Variants in PRKN observed in about 807,000 individuals in gnomAD.
PRKN encodes parkin RBR E3 ubiquitin protein ligase.
A neutral mutation model predicts 59.5 loss-of-function variants in PRKN; 56 were observed. The ratio of observed to expected loss-of-function variants is 0.94; its 90% CI spans 0.76 to 1.18. The LOEUF is 1.18. Ranked by LOEUF, PRKN falls within the 50% of genes most tolerant of loss-of-function variation. PRKN has a pLI of 0.00. For synonymous variants in PRKN, 250 were observed against 222.1 expected (o/e 1.13, Z -1.12); for missense variants, 657 against 596.4 (o/e 1.10, Z -1.06).
intron 1 of PRKN, among the ~76,000 whole-genome samples, chr6:162,631,640 T>C (rs1420211073): frequency 2.0e-5 from 3 of 152,170 alleles, no homozygotes; most frequent in East Asian, 1.9e-4. Context: ...ATTCTGTAGG[T>C]TGTCTCTTTA....
intron 2 of PRKN, among the ~76,000 whole-genome samples, chr6:162,274,201 A>G (rs1009186077): frequency 6.6e-6 from 1 of 150,706 alleles, no homozygotes; most frequent in African/African-American, 2.5e-5. Flanking sequence ...TTATTTATTT[A>G]TTTTGTGAGA....
chr6:162,256,262 TTC>T (rs902705240), intron 3 of PRKN, among the ~76,000 whole-genome samples: 3 of 152,180 alleles, frequency 2.0e-5, no homozygotes, highest in Non-Finnish European at 2.9e-5. Context: ...ATTTTATTAA[TTC>T]TGTTTTTCTT....
chr6:162,256,423 TACAG>T lies in PRKN; in HGVS notation c.412+6098_412+6101del, dbSNP rs1329815763. On this transcript the variant is annotated intron_variant, in intron 3 of 11. Transcript: ENST00000366898. ...TTTAGAAAGATTGAAAAGAGTGTAT[TACAG>T]ACAGTTAAATTCTACCACTTAATTT... 2.6e-5 allele frequency among the ~76,000 whole-genome samples: 4 copies of T among 152,178 alleles called. No homozygotes were observed. In the East Asian group the frequency reaches 7.7e-4, roughly 29 times the overall value.
chr6:162,458,037 C>T (rs137855888), intron 1 of PRKN, among the ~76,000 whole-genome samples: 1,690 of 151,722 alleles, frequency 0.011, 16 homozygotes, highest in Middle Eastern at 0.027. Context: ...GGGTGGATCA[C>T]GAGGTCAGGA....
intron 2 of PRKN, among the ~76,000 whole-genome samples, chr6:162,274,622 C>T (rs759496399): frequency 1.3e-5 from 2 of 152,138 alleles, no homozygotes; most frequent in Non-Finnish European, 2.9e-5. Flanking sequence ...ATTTTCTCTT[C>T]AGTTGCTTTT....
intron 4 of PRKN, among the ~76,000 whole-genome samples, chr6:162,115,719 A>T (rs1047938066): frequency 1.3e-5 from 2 of 152,076 alleles, no homozygotes; most frequent in Non-Finnish European, 2.9e-5. Context: ...ATCAGCTGGC[A>T]GGAGCCCATA....
chr6:162,674,764 G>A (rs777265898), intron 1 of PRKN, among the ~76,000 whole-genome samples: 68 of 152,164 alleles, frequency 4.5e-4, no homozygotes, highest in Non-Finnish European at 8.4e-4. Context: ...AGAAAGAATA[G>A]AGGCTAAAAC....
At position 162,575,040 on chromosome 6, in the gene PRKN, C is replaced by G. The variant is rs545081301; in HGVS notation, c.8-131567G>C. 3.4e-3 allele frequency among the ~76,000 whole-genome samples: 513 copies of G among 152,244 alleles called. 2 individuals are homozygous for G. Among genetic ancestry groups the G allele is most frequent in the African/African-American group, 8.6e-3 (359 of 41,550 alleles). On this transcript the variant is annotated intron_variant, in intron 1 of 11. Coordinates refer to ENST00000366898, the MANE Select transcript of PRKN (RefSeq NM_004562.3). Reference sequence around the variant, plus strand: ...TCTATTTGTTATTTCTTTCACCATACATAACATTTCAGTTTTTATGTAATC... The same window carrying G: ...TCTATTTGTTATTTCTTTCACCATAGATAACATTTCAGTTTTTATGTAATC...
intron 7 of PRKN, among the ~76,000 whole-genome samples, chr6:161,590,511 T>C (rs1781680176): frequency 6.6e-6 from 1 of 152,124 alleles, no homozygotes; most frequent in African/African-American, 2.4e-5. Context: ...GGCGGGCCGA[T>C]CAGTTGAGGT....
chr6:161,809,465 G>C (rs1217185949), intron 6 of PRKN, among the ~76,000 whole-genome samples: 2 of 152,206 alleles, frequency 1.3e-5, no homozygotes, highest in South Asian at 4.2e-4. Context: ...ATGCATTTTG[G>C]AATTATTGGT....
At chr6:161,411,920 C>A (rs1583033734) in intron 9 of PRKN, among the ~76,000 whole-genome samples, 1 of 149,190 alleles carries the variant, frequency 6.7e-6, no homozygotes, top group South Asian at 2.2e-4. Flanking sequence ...CATTCCTCCA[C>A]TCACTCACTC....
rs552558098 is a variant in PRKN, at chr6:161,858,243, C to T, written c.735-72335G>A. Among the ~76,000 whole-genome samples, 5 of 152,266 alleles carry T rather than the reference C, an allele frequency of 3.3e-5. No individual in the cohort carries two copies. The East Asian group carries it at 5.8e-4, about 18-fold the overall frequency. On this transcript the variant is annotated intron_variant, in intron 6 of 11. Coordinates refer to ENST00000366898, the MANE Select transcript of PRKN (RefSeq NM_004562.3). Reference sequence around the variant, plus strand: ...TCCATAAGGATAACCTATTCAGATACTATTATCACATGAGACATGATATGT... The same window carrying T: ...TCCATAAGGATAACCTATTCAGATATTATTATCACATGAGACATGATATGT...
intron 9 of PRKN, among the ~76,000 whole-genome samples, chr6:161,494,463 T>C (rs1220885560): frequency 1.3e-5 from 2 of 152,226 alleles, no homozygotes; most frequent in African/African-American, 4.8e-5. Flanking sequence ...CTTGTGTTAC[T>C]TACATTCTGC....
chr6:162,509,425 A>G (rs1777485808), intron 1 of PRKN, among the ~76,000 whole-genome samples: 1 of 152,198 alleles, frequency 6.6e-6, no homozygotes, highest in South Asian at 2.1e-4. Flanking sequence ...CTGAATATTT[A>G]AATGAAAAGC....
intron 7 of PRKN, among the ~76,000 whole-genome samples, chr6:161,680,045 T>C (rs533201854): frequency 2.6e-5 from 4 of 152,252 alleles, no homozygotes; most frequent in Non-Finnish European, 4.4e-5. Flanking sequence ...TGAGCCACCG[T>C]GCCCTGGCCA....
At chr6:162,451,367 TAA>T (rs140082933) in intron 1 of PRKN, among the ~76,000 whole-genome samples, 36 of 104,688 alleles carry the variant, frequency 3.4e-4, no homozygotes, top group African/African-American at 8.5e-4. Flanking sequence ...CTTAAAGGAG[TAA>T]AAAAAAAAAA....
chr6:162,203,885 T>C (rs10945804), intron 3 of PRKN, among the ~76,000 whole-genome samples: 2 of 152,186 alleles, frequency 1.3e-5, no homozygotes, highest in African/African-American at 2.4e-5. Flanking sequence ...TCTTTTTGTA[T>C]AGTAAGTTTT....
At chr6:162,163,363 A>G in intron 4 of PRKN, among the ~76,000 whole-genome samples, 1 of 149,774 alleles carries the variant, frequency 6.7e-6, no homozygotes, top group Non-Finnish European at 1.5e-5. Flanking sequence ...GTAACCAGTT[A>G]CAAAGCCTGT....
intron 2 of PRKN, among the ~76,000 whole-genome samples, chr6:162,359,075 A>ATATAT (rs201414794): frequency 0.02 from 2,025 of 100,226 alleles, 17 homozygotes; most frequent in Non-Finnish European, 0.025. Context: ...AAAAAAAAAA[A>ATATAT]AAAAATATAT....
Sources: allele counts gnomAD v4.1 joint callset (sites outside exome capture counted in the v4.1 genomes callset), GRCh38; gene constraint gnomAD v4.1.1; transcripts MANE v1.5; gene names NCBI Gene and HGNC (gene_info 2026-07-23, HGNC 2026-07-21).